The following MARCHF1 variants were observed in gnomAD, a reference collection of about 807,000 sequenced individuals.
MARCHF1 encodes E3 ubiquitin-protein ligase MARCHF1.
Under a neutral mutation model 54.2 loss-of-function variants are expected in MARCHF1, and 40 were observed. That is an observed-to-expected ratio of 0.74 (90% CI 0.57 to 0.96). The LOEUF (loss-of-function observed/expected upper bound fraction) is 0.96. Among genes scored for constraint, MARCHF1 ranks in the 40% least tolerant of loss-of-function variants. The probability of loss-of-function intolerance (pLI) is 0.00; values close to 1 mark genes in which losing one functional copy is unlikely to be tolerated. For synonymous variants in MARCHF1, 236 were observed against 236.3 expected, an observed-to-expected ratio of 1.00 and a Z score of 0.01; for missense variants, 586 against 656.5, an observed-to-expected ratio of 0.89 and a Z score of 1.17.
chr4:164,370,066 A>G (rs1158203086), intron 1 of MARCHF1, among the ~76,000 whole-genome samples: 1 of 152,234 alleles, frequency 6.6e-6, no homozygotes, highest in Non-Finnish European at 1.5e-5. Flanking sequence ...CAGCACATTC[A>G]AGAAGAGTTA....
chr4:164,277,610 A>C (rs1340469421), intron 1 of MARCHF1, among the ~76,000 whole-genome samples: 3 of 152,216 alleles, frequency 2.0e-5, no homozygotes, highest in African/African-American at 7.2e-5. Context: ...CTCAACTTTT[A>C]ATCTCAGCAG....
intron 5 of MARCHF1, 78 bp downstream of exon 5, chr4:163,700,735 A>G (rs1744786103): frequency 2.3e-5 from 25 of 1,071,622 alleles, no homozygotes; most frequent in South Asian, 1.2e-4. Context: ...TAACAATTAT[A>G]GGTTAAACAT....
intron 1 of MARCHF1, among the ~76,000 whole-genome samples, chr4:164,240,136 A>G (rs1401549274): frequency 6.6e-6 from 1 of 152,136 alleles, no homozygotes; most frequent in Non-Finnish European, 1.5e-5. Context: ...GAACCAGGAG[A>G]CCTGGATTCC....
chr4:164,120,397 A>T (rs1756041514), intron 1 of MARCHF1, among the ~76,000 whole-genome samples: 1 of 152,172 alleles, frequency 6.6e-6, no homozygotes, highest in African/African-American at 2.4e-5. Flanking sequence ...GGCAACTTCA[A>T]CAACCCACTT....
chr4:163,673,774 T>C (rs1190834053), intron 5 of MARCHF1, among the ~76,000 whole-genome samples: 1 of 152,136 alleles, frequency 6.6e-6, no homozygotes, highest in East Asian at 1.9e-4. Context: ...ATTCATGAAT[T>C]GGAGCTGGAG....
At chr4:164,369,505 A>G (rs1051966675) in intron 1 of MARCHF1, among the ~76,000 whole-genome samples, 1 of 152,150 alleles carries the variant, frequency 6.6e-6, no homozygotes, top group Non-Finnish European at 1.5e-5. Flanking sequence ...TGAAATAGTA[A>G]TAACTGCCAA....
chr4:163,944,306 G>A (rs953862077), intron 3 of MARCHF1, among the ~76,000 whole-genome samples: 18 of 152,028 alleles, frequency 1.2e-4, no homozygotes, highest in Non-Finnish European at 1.8e-4. Flanking sequence ...TTTTAAGGAG[G>A]GAGTTGTCTA....
At chr4:164,152,089 T>C (rs535519796) in intron 1 of MARCHF1, among the ~76,000 whole-genome samples, 1 of 152,260 alleles carries the variant, frequency 6.6e-6, no homozygotes, top group East Asian at 1.9e-4. Context: ...CTTGCCCTTA[T>C]GAAATGTTTA....
intron 1 of MARCHF1, among the ~76,000 whole-genome samples, chr4:164,270,531 T>C (rs1180247709): frequency 1.3e-5 from 2 of 152,230 alleles, no homozygotes; most frequent in Non-Finnish European, 2.9e-5. Flanking sequence ...ACATACTAGG[T>C]GTGCTCAATG....
intron 3 of MARCHF1, among the ~76,000 whole-genome samples, chr4:163,905,604 G>A (rs570126493): frequency 5.1e-4 from 77 of 152,068 alleles, no homozygotes; most frequent in Non-Finnish European, 9.7e-4. Context: ...AAAAGTCCAA[G>A]GATCCAAATC....
chr4:163,625,607 A>G (rs1023145800), intron 5 of MARCHF1, among the ~76,000 whole-genome samples: 2 of 152,226 alleles, frequency 1.3e-5, no homozygotes, highest in Non-Finnish European at 2.9e-5. Context: ...CAAAAAAGAA[A>G]GGGCTCCATT....
At position 164,333,416 on chromosome 4, in the gene MARCHF1, TACC is replaced by T. The variant is rs1729627977; in HGVS notation, c.-323+50451_-323+50453del. Among the ~76,000 whole-genome samples the T allele has an allele frequency of 2.6e-5, 4 of 152,326 alleles. No homozygotes were observed. In the South Asian group the frequency reaches 8.3e-4, roughly 32 times the overall value. On this transcript the variant is annotated intron_variant, in intron 1 of 9. Coordinates refer to ENST00000514618, the MANE Select transcript of MARCHF1 (RefSeq NM_001394959.1). ...AGCATGTACTCACTTTGTATCTCTT[TACC>T]ACATTATGCTAATTCTCACAATATT...
chr4:163,978,289 T>C (rs1245034840), intron 3 of MARCHF1, among the ~76,000 whole-genome samples: 1 of 152,202 alleles, frequency 6.6e-6, no homozygotes, highest in African/African-American at 2.4e-5. Context: ...CAACCTTAAA[T>C]ATTTTCTCAT....
intron 4 of MARCHF1, among the ~76,000 whole-genome samples, chr4:163,784,355 C>T (rs557714126): frequency 6.6e-6 from 1 of 152,246 alleles, no homozygotes; most frequent in Non-Finnish European, 1.5e-5. Context: ...AGTCAACACA[C>T]ATTTTAGCTA....
intron 1 of MARCHF1, among the ~76,000 whole-genome samples, chr4:164,267,085 A>T (rs1318198708): frequency 1.3e-5 from 2 of 152,178 alleles, no homozygotes; most frequent in African/African-American, 4.8e-5. Context: ...AGACATTTGT[A>T]TGTGATAAGA....
At chr4:163,894,761 TAC>T (rs778302850) in intron 3 of MARCHF1, among the ~76,000 whole-genome samples, 6 of 73,732 alleles carry the variant, frequency 8.1e-5, no homozygotes, top group African/African-American at 3.5e-4. Context: ...TGCATATATA[TAC>T]ATGCATGTGA....
intron 1 of MARCHF1, among the ~76,000 whole-genome samples, chr4:164,120,213 G>A (rs1430972): frequency 0.17 from 25,161 of 151,828 alleles, 2,525 homozygotes; most frequent in East Asian, 0.49. Flanking sequence ...AGACTTCAAG[G>A]CAAAACTGTA....
intron 2 of MARCHF1, among the ~76,000 whole-genome samples, chr4:164,058,071 A>G (rs944400750): frequency 6.6e-6 from 1 of 152,118 alleles, no homozygotes; most frequent in Non-Finnish European, 1.5e-5. Context: ...GAGTTGAACA[A>G]TGAAAACACA....
intron 4 of MARCHF1, among the ~76,000 whole-genome samples, chr4:163,784,507 AT>A (rs1747560317): frequency 6.6e-6 from 1 of 152,146 alleles, no homozygotes; most frequent in Non-Finnish European, 1.5e-5. Context: ...TTGATTGAAC[AT>A]TTTTGGAGCT....
Sources: gnomAD v4.1 joint callset for allele counts (sites outside exome capture counted in the v4.1 genomes callset) on GRCh38, gnomAD v4.1.1 for gene constraint, MANE v1.5 for transcripts, NCBI Gene and HGNC (gene_info 2026-07-23, HGNC 2026-07-21) for gene names.